The following PREX2 variants were observed in gnomAD, a reference collection of about 807,000 sequenced individuals.
PREX2 encodes phosphatidylinositol 3,4,5-trisphosphate-dependent Rac exchanger 2 protein.
In PREX2, 107 loss-of-function variants were observed where a neutral mutation model predicts 203.2. The observed-to-expected ratio is 0.53, with a 90% CI of 0.45 to 0.62. The LOEUF (loss-of-function observed/expected upper bound fraction) is 0.62, where lower values mean the gene tolerates loss of function less well. Ranked by LOEUF, PREX2 falls within the 20% of genes least tolerant of loss-of-function variation. The probability of loss-of-function intolerance (pLI) is 0.00; values close to 1 mark genes in which losing one functional copy is unlikely to be tolerated. For synonymous variants in PREX2, 672 were observed against 663.6 expected (o/e 1.01, Z -0.19); for missense variants, 1,777 against 1,955.9 (o/e 0.91, Z 1.72).
intron 11 of PREX2, among the ~76,000 whole-genome samples, chr8:68,067,482 A>T (rs2380444): frequency 0.53 from 79,552 of 151,472 alleles, 20,901 homozygotes; most frequent in South Asian, 0.56. Flanking sequence ...CCTAAGTGTT[A>T]CATCTTATTT....
In PREX2 at chr8:68,027,287, A is replaced by G. The variant is rs751023114; in HGVS notation, c.507A>G (p.Pro169=). The G allele has an allele frequency of 6.2e-7, 1 of 1,610,570 alleles. No homozygotes were observed. The highest frequency in any genetic ancestry group is 1.1e-5 in the South Asian group (1 of 90,994). The change falls in exon 5 of 40, where the codon CCA becomes CCG. Residue 169 remains proline, a synonymous_variant. Coordinates refer to ENST00000288368, the MANE Select transcript of PREX2 (RefSeq NM_024870.4). ...CCTTGGAAGGATATTTAGTAACACCAATACAAAGAATATGCAAGTACCCTC... is the reference window on the plus strand; with the variant it reads ...CCTTGGAAGGATATTTAGTAACACCGATACAAAGAATATGCAAGTACCCTC... ...DVPLEGYLVT[P]IQRICKYPLI...
chr8:68,044,437 G>T, intron 7 of PREX2, 50 bp from the exon 8 acceptor site: 1 of 1,305,108 alleles, frequency 7.7e-7, no homozygotes, highest in Non-Finnish European at 1.1e-6. Flanking sequence ...TTTTGACATT[G>T]TTTTACATTG....
chr8:68,036,027 G>T (rs1808018749), intron 6 of PREX2, among the ~76,000 whole-genome samples: 1 of 152,124 alleles, frequency 6.6e-6, no homozygotes, highest in Admixed American at 6.6e-5. Flanking sequence ...AAGAAATGTT[G>T]ACCTTAAAGA....
At chr8:67,992,550 A>G (rs7462708) in intron 1 of PREX2, among the ~76,000 whole-genome samples, 74,802 of 152,012 alleles carry the variant, frequency 0.49, 18,794 homozygotes, top group South Asian at 0.61. Flanking sequence ...AAAAAGTGAG[A>G]CTAAGGAATT....
chr8:68,184,060 C>T (rs1479374435), intron 35 of PREX2, among the ~76,000 whole-genome samples: 2 of 152,080 alleles, frequency 1.3e-5, no homozygotes, highest in Non-Finnish European at 2.9e-5. Context: ...TTTCTCTTCA[C>T]GTAACTTTAA....
intron 33 of PREX2, among the ~76,000 whole-genome samples, chr8:68,144,761 AG>A (rs1165557776): frequency 6.6e-6 from 1 of 152,158 alleles, no homozygotes; most frequent in African/African-American, 2.4e-5. Flanking sequence ...ACTTGATCCC[AG>A]GAGTTTTAGT....
intron 30 of PREX2, among the ~76,000 whole-genome samples, chr8:68,124,940 G>A (rs963963574): frequency 6.6e-6 from 1 of 152,030 alleles, no homozygotes; most frequent in African/African-American, 2.4e-5. Flanking sequence ...GAATTTAGTT[G>A]CATCTCTGGT....
intron 35 of PREX2, among the ~76,000 whole-genome samples, chr8:68,190,926 T>C (rs966188797): frequency 2.0e-5 from 3 of 152,062 alleles, no homozygotes; most frequent in Non-Finnish European, 2.9e-5. Context: ...GCGATAATTA[T>C]TTGGAAATTG....
At position 68,136,261 on chromosome 8, in the gene PREX2, G is replaced by GGT. The variant is rs576271953; in HGVS notation, c.3984+1985_3984+1986insGT. 6.2e-3 allele frequency among the ~76,000 whole-genome samples: 946 copies of GGT among 151,844 alleles called. 11 individuals carry two copies. Among genetic ancestry groups the GGT allele is most frequent in the African/African-American group, 0.021 (884 of 41,434 alleles). ...AGTTATATCTCAATGAAGCGGTGTG[G>GGT]TTTTTTTTCAACTGGTCTTGTGAAA... On this transcript the variant is annotated intron_variant, in intron 32 of 39. Transcript: ENST00000288368.
chr8:68,068,747 A>G (rs1241891502), intron 11 of PREX2, among the ~76,000 whole-genome samples: 1 of 152,106 alleles, frequency 6.6e-6, no homozygotes, highest in African/African-American at 2.4e-5. Flanking sequence ...TACATACTAT[A>G]TACTCATGTA....
At chr8:68,034,869 G>C (rs1807984337) in intron 6 of PREX2, among the ~76,000 whole-genome samples, 1 of 152,044 alleles carries the variant, frequency 6.6e-6, no homozygotes, top group African/African-American at 2.4e-5. Flanking sequence ...TGATTTGGCA[G>C]ATACAAATTC....
At chr8:68,195,144 A>G (rs1281004764) in intron 37 of PREX2, among the ~76,000 whole-genome samples, 1 of 152,226 alleles carries the variant, frequency 6.6e-6, no homozygotes, top group Non-Finnish European at 1.5e-5. Flanking sequence ...ACCATGACTA[A>G]GTTGTCCAAA....
intron 35 of PREX2, among the ~76,000 whole-genome samples, chr8:68,182,688 A>C (rs1812108021): frequency 6.6e-6 from 1 of 151,936 alleles, no homozygotes; most frequent in Non-Finnish European, 1.5e-5. Flanking sequence ...ATTCAGTTCA[A>C]TACTACATTA....
intron 1 of PREX2, among the ~76,000 whole-genome samples, chr8:67,997,692 A>C (rs1585690267): frequency 6.6e-6 from 1 of 152,162 alleles, no homozygotes; most frequent in South Asian, 2.1e-4. Context: ...GTGAATCTAT[A>C]GATCAATTTT....
At chr8:68,039,437 T>C (rs994606569) in intron 7 of PREX2, among the ~76,000 whole-genome samples, 3 of 152,208 alleles carry the variant, frequency 2.0e-5, no homozygotes, top group Middle Eastern at 3.2e-3. Context: ...ATTGGAGTGC[T>C]GTGGGGCTCT....
intron 25 of PREX2, chr8:68,114,249 G>T: frequency 2.1e-6 from 1 of 481,218 alleles, no homozygotes; most frequent in Non-Finnish European, 4.2e-6. Context: ...CACTTAATAG[G>T]TATTTATTCA....
At chr8:67,992,268 G>T (rs1043763964) in intron 1 of PREX2, among the ~76,000 whole-genome samples, 4 of 152,162 alleles carry the variant, frequency 2.6e-5, no homozygotes, top group African/African-American at 9.7e-5. Context: ...GCAAGGATAT[G>T]GGTAGTATGA....
intron 4 of PREX2, among the ~76,000 whole-genome samples, chr8:68,026,163 T>A (rs1320105278): frequency 6.6e-6 from 1 of 152,024 alleles, no homozygotes; most frequent in Non-Finnish European, 1.5e-5. Context: ...CTTTCTGAGG[T>A]GTCTGGGTGA....
At chr8:68,034,344 T>C (rs1040603073) in intron 6 of PREX2, among the ~76,000 whole-genome samples, 1 of 152,176 alleles carries the variant, frequency 6.6e-6, no homozygotes, top group Admixed American at 6.5e-5. Flanking sequence ...ATTCATTTCA[T>C]AGAACAGGAT....
Sources: allele counts gnomAD v4.1 joint callset (sites outside exome capture counted in the v4.1 genomes callset), GRCh38; gene constraint gnomAD v4.1.1; transcripts MANE v1.5; gene names NCBI Gene and HGNC (gene_info 2026-07-23, HGNC 2026-07-21).